The following KCNQ1 variants were observed in gnomAD, a reference collection of about 807,000 sequenced individuals.
KCNQ1 encodes potassium voltage-gated channel subfamily KQT member 1.
KCNQ1 carries 49 observed loss-of-function variants against 72.4 expected under a neutral mutation model. The ratio of observed to expected loss-of-function variants is 0.68; its 90% CI spans 0.54 to 0.86. The LOEUF is 0.86. Among genes scored for constraint, KCNQ1 ranks in the 40% least tolerant of loss-of-function variants. KCNQ1 has a pLI of 0.00. For missense variants in KCNQ1, 790 were observed against 945.1 expected (o/e 0.84, Z 2.15); for synonymous variants, 450 against 412.6 (o/e 1.09, Z -1.10).
At chr11:2,520,886 G>A (rs2133635062) in intron 1 of KCNQ1, among the ~76,000 whole-genome samples, 1 of 152,190 alleles carries the variant, frequency 6.6e-6, no homozygotes, top group South Asian at 2.1e-4. Flanking sequence ...CCTGCCTTCG[G>A]CTTTAGGTTC....
In KCNQ1 at chr11:2,446,174, G is replaced by T. The variant is rs1846034189; in HGVS notation, c.386+690G>T. 6.6e-6 allele frequency among the ~76,000 whole-genome samples: 1 copy of T among 152,214 alleles called. No individual in the cohort carries two copies. Among genetic ancestry groups the T allele is most frequent in the African/African-American group, 2.4e-5 (1 of 41,464 alleles). On this transcript the variant is annotated intron_variant, in intron 1 of 15. Coordinates refer to ENST00000155840, the MANE Select transcript of KCNQ1 (RefSeq NM_000218.3). This position sits in a 1 kb window ranked among gnomAD's most constrained non-coding sequence, Gnocchi z 8.8. Reference sequence around the variant, plus strand: ...AGGCACCTGGCCCCCCTGTTACCAGGTGGTTCCAATTCCCGGTACAGCGTG... The same window carrying T: ...AGGCACCTGGCCCCCCTGTTACCAGTTGGTTCCAATTCCCGGTACAGCGTG...
At chr11:2,574,686 C>G (rs1321348403) in intron 6 of KCNQ1, among the ~76,000 whole-genome samples, 1 of 152,208 alleles carries the variant, frequency 6.6e-6, no homozygotes, top group Non-Finnish European at 1.5e-5. Flanking sequence ...CCTCAACCGC[C>G]GCTTCCCCCA....
chr11:2,597,993 T>G (rs1297803315), intron 10 of KCNQ1, among the ~76,000 whole-genome samples: 1 of 152,126 alleles, frequency 6.6e-6, no homozygotes, highest in Non-Finnish European at 1.5e-5. Flanking sequence ...CATGAGAAAT[T>G]TATGTTTTAT....
chr11:2,620,093 C>A lies in KCNQ1; in HGVS notation c.1393+31239C>A. 1 of 398,130 alleles carries A rather than the reference C, an allele frequency of 2.5e-6. No homozygotes were observed. The highest frequency in any genetic ancestry group is 3.6e-5 in the East Asian group (1 of 28,044). The allele number at this position is 398,130 out of a possible 1,614,324, so 24.7% of individuals were successfully genotyped here. ...TTACTCAGTGTTTAGGTCCCACTTG[C>A]AAGTGGTAACATGCAGTATTTGGTT... On this transcript the variant is annotated intron_variant, in intron 10 of 15. Coordinates refer to ENST00000155840, the MANE Select transcript of KCNQ1 (RefSeq NM_000218.3). This position sits in a 1 kb window ranked among gnomAD's most constrained non-coding sequence, Gnocchi z 4.5.
At chr11:2,467,459 T>C (rs1465499677) in intron 1 of KCNQ1, among the ~76,000 whole-genome samples, 1 of 152,112 alleles carries the variant, frequency 6.6e-6, no homozygotes, top group African/African-American at 2.4e-5. Flanking sequence ...GGATATGGTG[T>C]GGCCGGGGGC....
intron 11 of KCNQ1, among the ~76,000 whole-genome samples, chr11:2,765,561 A>G (rs955162528): frequency 6.6e-6 from 1 of 152,198 alleles, no homozygotes; most frequent in South Asian, 2.1e-4. Flanking sequence ...CTGCTTTTCT[A>G]TCAGTTACTG....
rs1159165591 is a variant in KCNQ1 at position 2,824,312 on chromosome 11, G to C, written c.1795-23455G>C. Among the ~76,000 whole-genome samples, 8 of 152,124 alleles carry C rather than the reference G, an allele frequency of 5.3e-5. No homozygotes were observed. Among genetic ancestry groups the C allele is most frequent in the Non-Finnish European group, 1.2e-4 (8 of 68,024 alleles). On this transcript the variant is annotated intron_variant, in intron 15 of 15. Transcript: ENST00000155840. This position sits in a 1 kb window ranked among gnomAD's most constrained non-coding sequence, Gnocchi z 5.9. ...TAGGCCCAGGGGTGGAAAGAAGACA[G>C]ATACGAGAGGGGATTTGGAGACACA... is the stretch of plus-strand genomic sequence containing the variant.
At position 2,461,325 on chromosome 11, in the gene KCNQ1, G is replaced by C. The variant is rs2075873; in HGVS notation, c.386+15841G>C. ...CCGCCTCGCAGCAGATTTGTAGTCT[G>C]GTTGCTGTCGTTCCTGAAATAGCCT... On this transcript the variant is annotated intron_variant, in intron 1 of 15. Transcript: ENST00000155840. The C allele has an allele frequency of 5.5e-6, 5 of 911,858 alleles. No homozygotes were observed. In the African/African-American group the frequency reaches 8.7e-5, roughly 16 times the overall value. 56.5% of individuals were successfully genotyped at this position (911,858 alleles called of 1,614,324 possible). A position where few individuals can be genotyped will look rare whatever the true frequency, so the allele number is the denominator to read the frequency against.
Position 2,778,000 on chromosome 11 carries a change from A to G in KCNQ1, c.1757A>G (p.Asn586Ser), listed in dbSNP as rs1846741746. ...VSEKSKDRGS[N>S]TIGARLNRVE... ...GAAAAGAGCAAGGATCGCGGCAGCA[A>G]CACGATCGGCGCCCGCCTGAACCGA... Residue 586 changes from asparagine (N) to serine (S), a missense_variant, in exon 15 of 16, where the codon AAC becomes AGC. Around this residue, in one of 5 missense-constraint regions of KCNQ1, gnomAD observed 91 missense variants for 139.1 expected, o/e 0.65. Transcript: ENST00000155840. 1 of 1,613,796 alleles carries G rather than the reference A, an allele frequency of 6.2e-7. No homozygotes were observed. The highest frequency in any genetic ancestry group is 8.5e-7 in the Non-Finnish European group (1 of 1,180,006).
Position 2,593,412 on chromosome 11 carries a change from T to G in KCNQ1, c.1393+4558T>G, listed in dbSNP as rs113826312. Among the ~76,000 whole-genome samples the G allele has an allele frequency of 8.1e-3, 1,232 of 151,734 alleles. 13 individuals carry two copies. The highest frequency in any genetic ancestry group is 0.027 in the African/African-American group (1,104 of 41,356). ...TTGCTGCTCAGAGAACACTGGGCTG[T>G]AAGGTCGTGGTCTGTGACGTAGGAT... On this transcript the variant is annotated intron_variant, in intron 10 of 15. Transcript: ENST00000155840. This position sits in a 1 kb window ranked among gnomAD's most constrained non-coding sequence, Gnocchi z 6.9.
chr11:2,577,851 G>A (rs929371394), intron 6 of KCNQ1, among the ~76,000 whole-genome samples: 49 of 152,126 alleles, frequency 3.2e-4, no homozygotes, highest in African/African-American at 1.2e-3. Flanking sequence ...CTCTGTCCCA[G>A]AGACAGTCCT....
chr11:2,634,210 T>A (rs1336640120), intron 10 of KCNQ1: 2 of 396,192 alleles, frequency 5.0e-6, no homozygotes, highest in Non-Finnish European at 8.9e-6. Flanking sequence ...AGGGTACATG[T>A]GCACAACGTG....
At position 2,683,593 on chromosome 11, in the gene KCNQ1, C is replaced by T. The variant is rs1850435726; in HGVS notation, c.1514+21512C>T. The T allele has an allele frequency of 5.0e-6, 2 of 398,596 alleles. No individual in the cohort carries two copies. Among genetic ancestry groups the T allele is most frequent in the Non-Finnish European group, 8.8e-6 (2 of 226,068 alleles). The allele number at this position is 398,596 out of a possible 1,614,324, so 24.7% of individuals were successfully genotyped here. ...CATCACAAACACTGCCCTGAAATGC[C>T]AACTCATTTCAAATACTGCTCTAGA... On this transcript the variant is annotated intron_variant, in intron 11 of 15. Coordinates refer to ENST00000155840, the MANE Select transcript of KCNQ1 (RefSeq NM_000218.3). This position sits in a 1 kb window ranked among gnomAD's most constrained non-coding sequence, Gnocchi z 4.7.
At chr11:2,833,154 G>C (rs1847986745) in intron 15 of KCNQ1, among the ~76,000 whole-genome samples, 1 of 152,188 alleles carries the variant, frequency 6.6e-6, no homozygotes, top group South Asian at 2.1e-4. Flanking sequence ...AGGGGTGCCT[G>C]TGTGCCTCTG....
At chr11:2,846,166 G>T (rs1373038478) in intron 15 of KCNQ1, among the ~76,000 whole-genome samples, 1 of 152,190 alleles carries the variant, frequency 6.6e-6, no homozygotes, top group Non-Finnish European at 1.5e-5. Context: ...GCCCGGCGCA[G>T]CCTAGGGTGC....
At chr11:2,527,525 G>A (rs1490708277) in intron 1 of KCNQ1, among the ~76,000 whole-genome samples, 6 of 152,208 alleles carry the variant, frequency 3.9e-5, no homozygotes, top group South Asian at 2.1e-4. Flanking sequence ...CATCCAGAAC[G>A]TTTAATTACC....
chr11:2,685,259 C>T, intron 11 of KCNQ1: 1 of 398,694 alleles, frequency 2.5e-6, no homozygotes, highest in Non-Finnish European at 4.4e-6. Flanking sequence ...AACTCCAGGG[C>T]ACACGTGCCA....
chr11:2,575,103 T>G (rs1356721471), intron 6 of KCNQ1, among the ~76,000 whole-genome samples: 2 of 152,168 alleles, frequency 1.3e-5, no homozygotes, highest in Non-Finnish European at 2.9e-5. Flanking sequence ...CAGCCTTCGC[T>G]GCTGCCCTGC....
At position 2,550,295 on chromosome 11, in the gene KCNQ1, C is replaced by T. The variant is rs1251845924; in HGVS notation, c.478-20333C>T. On this transcript the variant is annotated intron_variant, in intron 2 of 15. Coordinates refer to ENST00000155840, the MANE Select transcript of KCNQ1 (RefSeq NM_000218.3). This position sits in a 1 kb window ranked among gnomAD's most constrained non-coding sequence, Gnocchi z 6.0. ...TTGCAGTTGCAGAGCCGTGGCGCGG[C>T]GCCTGGATTTCCGACACACTGCAGC... 6.6e-6 allele frequency among the ~76,000 whole-genome samples: 1 copy of T among 152,150 alleles called. No homozygotes were observed. The highest frequency in any genetic ancestry group is 1.5e-5 in the Non-Finnish European group (1 of 68,024).
Sources: gnomAD v4.1 joint callset for allele counts (sites outside exome capture counted in the v4.1 genomes callset) on GRCh38, gnomAD v4.1.1 for gene constraint, gnomAD v4.1.1 regional missense constraint, Gnocchi (gnomAD v3.1) non-coding constraint, MANE v1.5 for transcripts, NCBI Gene and HGNC (gene_info 2026-07-23, HGNC 2026-07-21) for gene names.